Variants in LCAT observed in about 807,000 individuals in gnomAD.
LCAT encodes phosphatidylcholine-sterol acyltransferase.
In LCAT, 15 loss-of-function variants were observed where a neutral mutation model predicts 41.0. The ratio of observed to expected loss-of-function variants is 0.37; its 90% confidence interval spans 0.24 to 0.56. LCAT has a LOEUF of 0.56. Among genes scored for constraint, LCAT ranks in the 20% least tolerant of loss-of-function variants. The pLI is 0.81. For synonymous variants in LCAT, 248 were observed against 245.4 expected (o/e 1.01, Z -0.10); for missense variants, 449 against 595.1 (o/e 0.75, Z 2.55).
rs887612430 is a variant in LCAT, at chr16:67,943,458, C to G, written c.155-246G>C. On this transcript the variant is annotated intron_variant, in intron 1 of 5. Transcript: ENST00000264005. The surrounding 1 kb of genome is among the most constrained non-coding windows in gnomAD (Gnocchi z 4.6). ...TGAGGCCAAGGCCGCTGACCCCTGC[C>G]TCTGCAGAGCAAACACCCAGTCTGG... is the stretch of plus-strand genomic sequence containing the variant. 3.5e-5 allele frequency: 20 copies of G among 568,990 alleles called. No homozygotes were observed. In the African/African-American group the frequency reaches 3.7e-4, roughly 11 times the overall value. 35.2% of individuals were successfully genotyped at this position (568,990 alleles called of 1,614,324 possible). A position where few individuals can be genotyped will look rare whatever the true frequency, so the allele number is the denominator to read the frequency against.
rs1253255080 is a variant in LCAT at position 67,942,076 on chromosome 16, C to G, written c.748+287G>C. The G allele has an allele frequency of 7.5e-7, 1 of 1,326,828 alleles. No individual in the cohort carries two copies. 82.2% of individuals were successfully genotyped at this position (1,326,828 alleles called of 1,614,324 possible). On this transcript the variant is annotated intron_variant, in intron 5 of 5. Coordinates refer to ENST00000264005, the MANE Select transcript of LCAT (RefSeq NM_000229.2). This position sits in a 1 kb window ranked among gnomAD's most constrained non-coding sequence, Gnocchi z 6.6. The stretch of plus-strand genomic sequence containing the variant: ...AAGTGGAAGGCAGGCAAGGGCTGGG[C>G]AGGCAGGCTCTGGGGCTACAAGAAC...
rs1231003856 is a variant in LCAT at position 67,939,841 on chromosome 16, C to T, written c.*63G>A. 20 of 1,573,278 alleles carry T rather than the reference C, an allele frequency of 1.3e-5. No homozygotes were observed. The highest frequency in any genetic ancestry group is 9.6e-5 in the South Asian group (8 of 83,668). ...GTGAGGAGTGAAACCTAGTGTGGGA[C>T]TCTAGTGCCTCCCTTCAACCTGAAA... On this transcript the variant is annotated 3_prime_UTR_variant, in exon 6 of 6. Coordinates refer to ENST00000264005, the MANE Select transcript of LCAT (RefSeq NM_000229.2).
chr16:67,942,707 C>G lies in LCAT; in HGVS notation c.487G>C (p.Val163Leu), dbSNP rs748994180. ...CGCCAGTCATAGGGGGCGGCGCGCA[C>G]AGTCTCGTCCCGCACGTAGCCATTG... ...VNNGYVRDET[V>L]RAAPYDWRLE... is the part of the protein sequence containing the mutation. Residue 163 changes from valine to leucine, a missense_variant, in exon 4 of 6, where the codon GTG becomes CTG. By Grantham distance (32) the Val-to-Leu change is conservative. Coordinates refer to ENST00000264005, the MANE Select transcript of LCAT (RefSeq NM_000229.2). This position sits in a 1 kb window ranked among gnomAD's most constrained non-coding sequence, Gnocchi z 6.6. 4 of 1,612,910 alleles carry G rather than the reference C, an allele frequency of 2.5e-6. No homozygotes were observed. The highest frequency in any genetic ancestry group is 4.5e-5 in the East Asian group (2 of 44,882).
Position 67,940,248 on chromosome 16 carries a change from C to T in LCAT, c.979G>A (p.Gly327Arg). 1 of 1,613,802 alleles carries T rather than the reference C, an allele frequency of 6.2e-7. No individual in the cohort carries two copies. Among genetic ancestry groups the T allele is most frequent in the Non-Finnish European group, 8.5e-7 (1 of 1,180,008 alleles). The change falls in exon 6 of 6, where the codon GGA becomes AGA. Residue 327 changes from glycine to arginine, a missense_variant. By Grantham distance (125) the Gly-to-Arg change is moderately radical (BLOSUM62 -2). Coordinates refer to ENST00000264005, the MANE Select transcript of LCAT (RefSeq NM_000229.2). The stretch of plus-strand genomic sequence containing the variant: ...ACTTCCACACCAGGTGCTGGGAGTC[C>T]TGCCAGGAGGTCACGTGACTGCAGC... ...MWLQSRDLLA[G>R]LPAPGVEVYC...
At chr16:67,941,164 C>T (rs2058288952) in intron 5 of LCAT, among the ~76,000 whole-genome samples, 2 of 152,014 alleles carry the variant, frequency 1.3e-5, no homozygotes, top group East Asian at 1.9e-4. Flanking sequence ...ATTAGCCAGG[C>T]GTGGTGGCAC....
At position 67,942,031 on chromosome 16, in the gene LCAT, G is replaced by A. The variant is rs2058294283; in HGVS notation, c.748+332C>T. ...CATCCTCAGTGAAGCACATCCCTGGGCAAAGGCACTCCTGCGAGCAAGTGG... is the reference window on the plus strand; with the variant it reads ...CATCCTCAGTGAAGCACATCCCTGGACAAAGGCACTCCTGCGAGCAAGTGG... On this transcript the variant is annotated intron_variant, in intron 5 of 5. Coordinates refer to ENST00000264005, the MANE Select transcript of LCAT (RefSeq NM_000229.2). The surrounding 1 kb of genome is among the most constrained non-coding windows in gnomAD (Gnocchi z 6.6). 8.0e-7 allele frequency: 1 copy of A among 1,242,284 alleles called. No individual in the cohort carries two copies. Among genetic ancestry groups the A allele is most frequent in the East Asian group, 4.6e-5 (1 of 21,674 alleles). 77.0% of individuals were successfully genotyped at this position (1,242,284 alleles called of 1,614,324 possible). A position where few individuals can be genotyped will look rare whatever the true frequency, so the allele number is the denominator to read the frequency against.
chr16:67,943,548 A>G lies in LCAT; in HGVS notation c.155-336T>C. 6.0e-6 allele frequency: 3 copies of G among 502,048 alleles called. No homozygotes were observed. In the South Asian group the frequency reaches 6.2e-5, roughly 10 times the overall value. The allele number at this position is 502,048 out of a possible 1,614,324, so 31.1% of individuals were successfully genotyped here. A position where few individuals can be genotyped will look rare whatever the true frequency, so the allele number is the denominator to read the frequency against. ...GTCTGGGGGCATGGGGGCTGGGCCTAATAGGGGCCGGGCATGGATGGGCCT... is the reference window on the plus strand; with the variant it reads ...GTCTGGGGGCATGGGGGCTGGGCCTGATAGGGGCCGGGCATGGATGGGCCT... On this transcript the variant is annotated intron_variant, in intron 1 of 5. Transcript: ENST00000264005. The surrounding 1 kb of genome is among the most constrained non-coding windows in gnomAD (Gnocchi z 4.6).
rs2058295519 is a variant in LCAT, at chr16:67,942,311, G to A, written c.748+52C>T. ...GGAGCCGCAATGAAGGCAGGCCCAG[G>A]ATCAGCTTGGTCTCACCCATCGCTG... On this transcript the variant is annotated intron_variant, in intron 5 of 5. Coordinates refer to ENST00000264005, the MANE Select transcript of LCAT (RefSeq NM_000229.2). The surrounding 1 kb of genome is among the most constrained non-coding windows in gnomAD (Gnocchi z 6.6). The A allele has an allele frequency of 1.3e-6, 2 of 1,576,328 alleles. No individual in the cohort carries two copies. The highest frequency in any genetic ancestry group is 2.2e-5 in the East Asian group (1 of 44,644).
chr16:67,943,058 G>A lies in LCAT; in HGVS notation c.309C>T (p.Thr103=), dbSNP rs749500309. Reference sequence around the variant, plus strand: ...TAGGGTGGAGCACATGGCTGTACCTGGTGTTATCGATCCAGCAGTCTACCC... The same window carrying A: ...TAGGGTGGAGCACATGGCTGTACCTAGTGTTATCGATCCAGCAGTCTACCC... ...PLGVDCWIDN[T]RVVYNRSSGL... The change falls in exon 2 of 6, where the codon ACC becomes ACT. Residue 103 remains threonine, a splice_region_variant and synonymous_variant. Transcript: ENST00000264005. The surrounding 1 kb of genome is among the most constrained non-coding windows in gnomAD (Gnocchi z 4.6). 1.9e-6 allele frequency: 3 copies of A among 1,613,980 alleles called. No individual in the cohort carries two copies. The highest frequency in any genetic ancestry group is 2.5e-6 in the Non-Finnish European group (3 of 1,179,944).
intron 5 of LCAT, 29 bp from the exon 6 acceptor site, chr16:67,940,507 G>A (rs1264904589): frequency 6.2e-7 from 1 of 1,613,068 alleles, no homozygotes; most frequent in South Asian, 1.1e-5. Flanking sequence ...GTGGGACAGG[G>A]AGCCAGGCCT....
Position 67,943,327 on chromosome 16 carries a change from C to A in LCAT, c.155-115G>T. ...CCCCACCTCCCATACCCTCAACCCC[C>A]AGGTACAAAGCACACTTACCCTCCC... On this transcript the variant is annotated intron_variant, in intron 1 of 5. Coordinates refer to ENST00000264005, the MANE Select transcript of LCAT (RefSeq NM_000229.2). This position sits in a 1 kb window ranked among gnomAD's most constrained non-coding sequence, Gnocchi z 4.6. The A allele has an allele frequency of 9.6e-7, 1 of 1,044,916 alleles. No homozygotes were observed. Among genetic ancestry groups the A allele is most frequent in the Non-Finnish European group, 1.4e-6 (1 of 693,904 alleles). The allele number at this position is 1,044,916 out of a possible 1,614,324, so 64.7% of individuals were successfully genotyped here.
chr16:67,940,147 A>C lies in LCAT; in HGVS notation c.1080T>G (p.Pro360=). 6.2e-7 allele frequency: 1 copy of C among 1,613,518 alleles called. No individual in the cohort carries two copies. The highest frequency in any genetic ancestry group is 8.5e-7 in the Non-Finnish European group (1 of 1,180,006). ...CACCATCCTCATAGAGCACACCCAC[A>C]GGGTCCGTGTAGGGGAAGCCGTGGT... The part of the protein sequence containing the change: ...IYDHGFPYTD[P]VGVLYEDGDD... The change falls in exon 6 of 6, where the codon CCT becomes CCG. Residue 360 remains proline (P), a synonymous_variant. Coordinates refer to ENST00000264005, the MANE Select transcript of LCAT (RefSeq NM_000229.2).
chr16:67,942,814 G>A lies in LCAT; in HGVS notation c.427+47C>T. On this transcript the variant is annotated intron_variant, in intron 3 of 5. Coordinates refer to ENST00000264005, the MANE Select transcript of LCAT (RefSeq NM_000229.2). This position sits in a 1 kb window ranked among gnomAD's most constrained non-coding sequence, Gnocchi z 6.6. Reference sequence around the variant, plus strand: ...GGGGGCTTGGGCCATGCCTGCTGTGGGCCAGCACCCAGGCCTGGAGCCCCA... The same window carrying A: ...GGGGGCTTGGGCCATGCCTGCTGTGAGCCAGCACCCAGGCCTGGAGCCCCA... 2 of 1,612,242 alleles carry A rather than the reference G, an allele frequency of 1.2e-6. No individual in the cohort carries two copies. Among genetic ancestry groups the A allele is most frequent in the Non-Finnish European group, 1.7e-6 (2 of 1,179,192 alleles).
rs952228539 is a variant in LCAT at position 67,940,255 on chromosome 16, G to A, written c.972C>T (p.Leu324=). The A allele has an allele frequency of 2.5e-6, 4 of 1,613,744 alleles. No homozygotes were observed. The highest frequency in any genetic ancestry group is 2.7e-5 in the African/African-American group (2 of 74,916). The change falls in exon 6 of 6, where the codon CTC becomes CTT. Residue 324 remains leucine, a synonymous_variant. Transcript: ENST00000264005. ...CACCAGGTGCTGGGAGTCCTGCCAG[G>A]AGGTCACGTGACTGCAGCCACATGT... is the stretch of plus-strand genomic sequence containing the variant. The part of the protein sequence containing the change: ...GWYMWLQSRD[L]LAGLPAPGVE...
rs746600912 is a variant in LCAT, at chr16:67,943,530, G to A, written c.155-318C>T. ...CAAGGTGGGAACAGATAGGTCTGGG[G>A]GCATGGGGGCTGGGCCTAATAGGGG... On this transcript the variant is annotated intron_variant, in intron 1 of 5. Transcript: ENST00000264005. This position sits in a 1 kb window ranked among gnomAD's most constrained non-coding sequence, Gnocchi z 4.6. 3.9e-4 allele frequency: 199 copies of A among 516,688 alleles called. No homozygotes were observed. The highest frequency in any genetic ancestry group is 3.2e-3 in the Admixed American group (99 of 31,128). The allele number at this position is 516,688 out of a possible 1,614,324, so 32.0% of individuals were successfully genotyped here.
chr16:67,943,324 C>T lies in LCAT; in HGVS notation c.155-112G>A. On this transcript the variant is annotated intron_variant, in intron 1 of 5. Transcript: ENST00000264005. This position sits in a 1 kb window ranked among gnomAD's most constrained non-coding sequence, Gnocchi z 4.6. ...ACCCCCCACCTCCCATACCCTCAACCCCCAGGTACAAAGCACACTTACCCT... is the reference window on the plus strand; with the variant it reads ...ACCCCCCACCTCCCATACCCTCAACTCCCAGGTACAAAGCACACTTACCCT... 9.4e-7 allele frequency: 1 copy of T among 1,060,782 alleles called. No homozygotes were observed. Among genetic ancestry groups the T allele is most frequent in the East Asian group, 2.5e-5 (1 of 40,194 alleles). 65.7% of individuals were successfully genotyped at this position (1,060,782 alleles called of 1,614,324 possible).
intron 5 of LCAT, chr16:67,941,574 G>A (rs1005551039): frequency 4.4e-5 from 41 of 921,988 alleles, no homozygotes; most frequent in African/African-American, 2.4e-4. Context: ...CTATGATCAC[G>A]CCACTGCACT....
In LCAT at chr16:67,940,207, GCCGTAAAGACAGTATACTTCCACA is replaced by G; in HGVS notation, c.996_1019del (p.Glu334_Val341del). On this transcript the variant is annotated inframe_deletion, in exon 6 of 6. Coordinates refer to ENST00000264005, the MANE Select transcript of LCAT (RefSeq NM_000229.2). The stretch of plus-strand genomic sequence containing the variant: ...AGGTGCGGGGCGTGGGCAGGCCCAC[GCCGTAAAGACAGTATACTTCCACA>G]CCAGGTGCTGGGAGTCCTGCCAGGA... The G allele has an allele frequency of 6.2e-7, 1 of 1,612,266 alleles. No individual in the cohort carries two copies. Among genetic ancestry groups the G allele is most frequent in the Non-Finnish European group, 8.5e-7 (1 of 1,179,848 alleles).
chr16:67,941,639 G>A, intron 5 of LCAT: 1 of 985,254 alleles, frequency 1.0e-6, no homozygotes, highest in Non-Finnish European at 1.2e-6. Context: ...AAGTAGGCGG[G>A]GCTTCCTGAG....
Sources: gnomAD v4.1 joint callset for allele counts (sites outside exome capture counted in the v4.1 genomes callset) on GRCh38, gnomAD v4.1.1 for gene constraint, Gnocchi (gnomAD v3.1) non-coding constraint, MANE v1.5 for transcripts, NCBI Gene and HGNC (gene_info 2026-07-23, HGNC 2026-07-21) for gene names.